SEL1L3: variants seen among roughly 807,000 people sequenced by gnomAD.
SEL1L3 encodes protein sel-1 homolog 3.
A neutral mutation model predicts 142.8 loss-of-function variants in SEL1L3; 76 were observed. The observed-to-expected ratio is 0.53, with a 90% CI of 0.44 to 0.64. The LOEUF is 0.64. Among genes scored for constraint, SEL1L3 ranks in the 30% least tolerant of loss-of-function variants. The probability of loss-of-function intolerance (pLI) is 0.00; values close to 1 mark genes in which losing one functional copy is unlikely to be tolerated. For synonymous variants in SEL1L3, 504 were observed against 519.6 expected (o/e 0.97, Z 0.41); for missense variants, 1,262 against 1,381.7 (o/e 0.91, Z 1.37).
chr4:25,787,828 T>C (rs1711957817), intron 13 of SEL1L3, among the ~76,000 whole-genome samples: 2 of 152,208 alleles, frequency 1.3e-5, no homozygotes, highest in Non-Finnish European at 1.5e-5. Flanking sequence ...GATCTTTATT[T>C]TCATCAGCAG....
chr4:25,832,940 T>C, intron 5 of SEL1L3, 55 bp downstream of exon 5: 4 of 1,146,380 alleles, frequency 3.5e-6, no homozygotes, highest in Non-Finnish European at 5.2e-6. Context: ...ATAGCAATGC[T>C]TAACTTTAAG....
In SEL1L3 at chr4:25,815,217, G is replaced by A. The variant is rs1714313485; in HGVS notation, c.1564+2921C>T. On this transcript the variant is annotated intron_variant, in intron 9 of 23. Transcript: ENST00000399878. ...AATTTGGCACCAGAAGACCCCAATG[G>A]CAGGTTAGTCATGAACGGTGGGTCC... 2.0e-5 allele frequency among the ~76,000 whole-genome samples: 3 copies of A among 152,126 alleles called. No homozygotes were observed. In the South Asian group the frequency reaches 6.2e-4, roughly 31 times the overall value.
At chr4:25,791,279 G>T (rs1712319373) in intron 11 of SEL1L3, among the ~76,000 whole-genome samples, 1 of 152,190 alleles carries the variant, frequency 6.6e-6, no homozygotes, top group African/African-American at 2.4e-5. Context: ...CTGAAAAGAA[G>T]AGGGCATGTT....
At chr4:25,809,703 A>G (rs1364432337) in intron 9 of SEL1L3, among the ~76,000 whole-genome samples, 1 of 152,076 alleles carries the variant, frequency 6.6e-6, no homozygotes, top group Non-Finnish European at 1.5e-5. Flanking sequence ...CAAGAAAAGC[A>G]TAGCCCATTG....
rs1376711704 is a variant in SEL1L3, at chr4:25,776,326, A to G, written c.2620T>C (p.Leu874=). The change falls in exon 17 of 24, where the codon TTG becomes CTG. Residue 874 remains leucine (L), a synonymous_variant. Transcript: ENST00000399878. The part of the protein sequence containing the change: ...AKHVAEKNGY[L]GHVIRKGLNA... ...AGGCCTTTGCGGATGACATGGCCCA[A>G]GTAGCCATTTTTCTCAGCTACATGT... The G allele has an allele frequency of 2.5e-6, 4 of 1,613,308 alleles. No individual in the cohort carries two copies. The highest frequency in any genetic ancestry group is 2.2e-5 in the East Asian group (1 of 44,864).
At chr4:25,723,736 G>C in the SEL1L3 span, among the ~76,000 whole-genome samples, 1 of 152,094 alleles carries the variant, frequency 6.6e-6, no homozygotes, top group Non-Finnish European at 1.5e-5. Context: ...ACCAGCTGCT[G>C]GTCCTCACAG....
At chr4:25,830,244 G>A (rs771782378) in intron 5 of SEL1L3, 88 bp from the exon 6 acceptor site, 41 of 793,398 alleles carry the variant, frequency 5.2e-5, no homozygotes, top group African/African-American at 5.0e-4. Context: ...CTCATGATAT[G>A]TGTTGGAGAG....
intron 1 of SEL1L3, among the ~76,000 whole-genome samples, chr4:25,851,532 T>C (rs1198464579): frequency 6.6e-6 from 1 of 152,094 alleles, no homozygotes; most frequent in African/African-American, 2.4e-5. Context: ...TATCCTTCCC[T>C]AACTTTTGAA....
chr4:25,781,213 G>A (rs10050248), intron 15 of SEL1L3, among the ~76,000 whole-genome samples: 31,822 of 151,926 alleles, frequency 0.21, 3,513 homozygotes, highest in Middle Eastern at 0.28. Flanking sequence ...ATATTTATTT[G>A]TTTATTGTCT....
At chr4:25,859,446 C>G (rs1273509500) in intron 1 of SEL1L3, among the ~76,000 whole-genome samples, 2 of 152,144 alleles carry the variant, frequency 1.3e-5, no homozygotes, top group African/African-American at 4.8e-5. Context: ...ACACAGTACT[C>G]TTTTTGAGCT....
downstream of SEL1L3, among the ~76,000 whole-genome samples, chr4:25,746,272 C>G (rs1433952217): frequency 4.0e-5 from 6 of 151,720 alleles, no homozygotes; most frequent in African/African-American, 1.2e-4. Context: ...AATCCCAGCA[C>G]TTTGGGAGGC....
chr4:25,806,342 T>A (rs1317612646), intron 9 of SEL1L3, among the ~76,000 whole-genome samples: 3 of 144,572 alleles, frequency 2.1e-5, no homozygotes, highest in Non-Finnish European at 3.0e-5. Flanking sequence ...CGGCAAAATG[T>A]TTTTTTTTTT....
Position 25,747,700 on chromosome 4 carries a change from T to C in SEL1L3, c.*725A>G, listed in dbSNP as rs1455840412. The C allele has an allele frequency of 6.6e-6, 1 of 152,494 alleles. No homozygotes were observed. Among genetic ancestry groups the C allele is most frequent in the African/African-American group, 2.4e-5 (1 of 41,442 alleles). 9.4% of individuals were successfully genotyped at this position (152,494 alleles called of 1,614,324 possible). ...ATATTCCGTTGCTGCCAGTCTATTC[T>C]AACGTGTAATTCATGGAGAAGACTA... On this transcript the variant is annotated 3_prime_UTR_variant, in exon 24 of 24. Transcript: ENST00000399878.
chr4:25,806,870 A>T lies in SEL1L3; in HGVS notation c.1565-2118T>A, dbSNP rs567866712. Among the ~76,000 whole-genome samples the T allele has an allele frequency of 4.6e-5, 7 of 152,172 alleles. No individual in the cohort carries two copies. In the East Asian group the frequency reaches 5.8e-4, roughly 13 times the overall value. ...ACAGCTTGTCGTAAAAAAAAAAAAA[A>T]TTCAAACAATGCAGATTTGTATAAA... On this transcript the variant is annotated intron_variant, in intron 9 of 23. Transcript: ENST00000399878.
intron 19 of SEL1L3, among the ~76,000 whole-genome samples, chr4:25,767,042 A>G (rs1259178950): frequency 6.6e-6 from 1 of 152,214 alleles, no homozygotes; most frequent in Non-Finnish European, 1.5e-5. Flanking sequence ...CTGTAACCCC[A>G]GCACTTTGGG....
chr4:25,824,614 T>A (rs1301800344), intron 6 of SEL1L3, among the ~76,000 whole-genome samples: 1 of 152,206 alleles, frequency 6.6e-6, no homozygotes, highest in African/African-American at 2.4e-5. Flanking sequence ...TTAGCAAGAA[T>A]AAGATGTGCA....
chr4:25,724,762 A>G, the SEL1L3 span, among the ~76,000 whole-genome samples: 85 of 79,356 alleles, frequency 1.1e-3, 6 homozygotes, highest in African/African-American at 2.7e-3. Flanking sequence ...AAAAAAAAAA[A>G]AAAAAAAAAG....
At chr4:25,718,794 A>G in the SEL1L3 span, 1 of 152,304 alleles carries the variant, frequency 6.6e-6, no homozygotes, top group Non-Finnish European at 1.5e-5. Flanking sequence ...GGTGAAGTCC[A>G]TATAGAGGTA....
At chr4:25,741,197 C>T in the SEL1L3 span, among the ~76,000 whole-genome samples, 2,279 of 151,732 alleles carry the variant, frequency 0.015, 56 homozygotes, top group African/African-American at 0.051. Context: ...CTTCACCTCC[C>T]GGGTTCAAAA....
Sources: allele counts gnomAD v4.1 joint callset (sites outside exome capture counted in the v4.1 genomes callset), GRCh38; gene constraint gnomAD v4.1.1; transcripts MANE v1.5; gene names NCBI Gene and HGNC (gene_info 2026-07-23, HGNC 2026-07-21).